The following INPP5D variants were observed in gnomAD, a reference collection of about 807,000 sequenced individuals.
INPP5D encodes the protein inositol polyphosphate-5-phosphatase D.
Under a neutral mutation model 122.9 loss-of-function variants are expected in INPP5D, and 33 were observed. The observed-to-expected ratio is 0.27, with a 90% CI of 0.20 to 0.36. The LOEUF (loss-of-function observed/expected upper bound fraction) is 0.36, where lower values mean the gene tolerates loss of function less well. INPP5D is among the 10% of genes least tolerant of loss of function. The pLI is 1.00. For missense variants in INPP5D, 1,053 were observed against 1,412.7 expected, an observed-to-expected ratio of 0.75 and a Z score of 4.08; for synonymous variants, 584 against 576.2, an observed-to-expected ratio of 1.01 and a Z score of -0.19.
At chr2:233,171,189 T>G (rs370040596) in intron 17 of INPP5D, 37 bp downstream of exon 17, 1 of 1,607,188 alleles carries the variant, frequency 6.2e-7, no homozygotes, top group Non-Finnish European at 8.5e-7. Flanking sequence ...CTGCCCTCCA[T>G]CTCCTCCCCG....
At chr2:233,154,080 C>G (rs1693988044) in intron 9 of INPP5D, among the ~76,000 whole-genome samples, 1 of 152,234 alleles carries the variant, frequency 6.6e-6, no homozygotes, top group Non-Finnish European at 1.5e-5. Context: ...CCAAGGATCA[C>G]CAGACACTGG....
chr2:233,151,439 G>A (rs573410770), intron 9 of INPP5D, among the ~76,000 whole-genome samples: 8 of 152,228 alleles, frequency 5.3e-5, no homozygotes, highest in Admixed American at 3.3e-4. Flanking sequence ...CAGTCCTCCC[G>A]TCAATCCAGG....
At chr2:233,181,191 TAGTA>T (rs1308642566) in intron 18 of INPP5D, among the ~76,000 whole-genome samples, 5 of 152,130 alleles carry the variant, frequency 3.3e-5, no homozygotes, top group Non-Finnish European at 7.4e-5. Flanking sequence ...TGGTGATCCT[TAGTA>T]AGTGAGCTTT....
intron 25 of INPP5D, 37 bp from the exon 26 acceptor site, chr2:233,204,088 CT>C (rs1395638526): frequency 6.8e-7 from 1 of 1,470,478 alleles, no homozygotes; most frequent in East Asian, 2.5e-5. Context: ...GTCTTCTCCC[CT>C]GGACATGTGT....
At chr2:233,075,768 G>T (rs1472614036) in intron 1 of INPP5D, among the ~76,000 whole-genome samples, 1 of 152,126 alleles carries the variant, frequency 6.6e-6, no homozygotes, top group Non-Finnish European at 1.5e-5. Flanking sequence ...GGCTGATGGG[G>T]TGTGTGTGGG....
chr2:233,061,384 C>G (rs1691070503), intron 1 of INPP5D, among the ~76,000 whole-genome samples: 1 of 152,138 alleles, frequency 6.6e-6, no homozygotes, highest in Non-Finnish European at 1.5e-5. Context: ...GAAGGAGGCC[C>G]TTGCCCTGCA....
Position 233,128,271 on chromosome 2 carries a change from TAATTGTCTTCCAC to T in INPP5D, c.525-2234_525-2222del, listed in dbSNP as rs1173146300. On this transcript the variant is annotated intron_variant, in intron 4 of 26. Transcript: ENST00000445964. This position sits in a 1 kb window ranked among gnomAD's most constrained non-coding sequence, Gnocchi z 4.5. The stretch of plus-strand genomic sequence containing the variant: ...ATCCCCCCACCACCCATCCGTGGAA[TAATTGTCTTCCAC>T]AAAACCGGTCCCTTGTGCCAAAAAG... Among the ~76,000 whole-genome samples, 1 of 152,208 alleles carries T rather than the reference TAATTGTCTTCCAC, an allele frequency of 6.6e-6. No homozygotes were observed. Among genetic ancestry groups the T allele is most frequent in the Non-Finnish European group, 1.5e-5 (1 of 68,032 alleles).
chr2:233,182,034 T>C (rs1694798577), intron 18 of INPP5D, among the ~76,000 whole-genome samples: 1 of 152,144 alleles, frequency 6.6e-6, no homozygotes, highest in African/African-American at 2.4e-5. Context: ...AGGTGGAGGC[T>C]GCAGTGAGCC....
intron 2 of INPP5D, among the ~76,000 whole-genome samples, chr2:233,098,267 A>G (rs6437092): frequency 0.71 from 108,069 of 151,872 alleles, 38,663 homozygotes; most frequent in Middle Eastern, 0.81. Context: ...CAAGGAGTGC[A>G]ACAGGAGTGC....
chr2:233,151,537 G>A (rs150474531), intron 9 of INPP5D, among the ~76,000 whole-genome samples: 1,562 of 152,196 alleles, frequency 0.01, 15 homozygotes, highest in Non-Finnish European at 0.017. Flanking sequence ...CCTAAAAAGG[G>A]CAAGGTCTTT....
chr2:233,075,922 T>C (rs1691508393), intron 1 of INPP5D, among the ~76,000 whole-genome samples: 1 of 152,236 alleles, frequency 6.6e-6, no homozygotes, highest in Admixed American at 6.5e-5. Flanking sequence ...CTTCCTGTTA[T>C]ACTAGCTTTT....
chr2:233,099,539 A>G lies in INPP5D; in HGVS notation c.198+20141A>G, dbSNP rs1243760062. Among the ~76,000 whole-genome samples the G allele has an allele frequency of 3.9e-5, 6 of 152,372 alleles. No homozygotes were observed. In the East Asian group the frequency reaches 9.6e-4, roughly 24 times the overall value. ...CCCTGTGCTCTTCAACAACAACAAA[A>G]TCACAAATGAACCCCATAAAATGCT... On this transcript the variant is annotated intron_variant, in intron 2 of 26. Coordinates refer to ENST00000445964, the MANE Select transcript of INPP5D (RefSeq NM_001017915.3).
chr2:233,195,597 G>C, intron 24 of INPP5D, 102 bp downstream of exon 24: 2 of 1,551,482 alleles, frequency 1.3e-6, no homozygotes, highest in South Asian at 2.3e-5. Context: ...CCATAATCCC[G>C]GCACTTTGGG....
intron 2 of INPP5D, among the ~76,000 whole-genome samples, chr2:233,121,126 T>TTTTTTTC (rs1692960444): frequency 7.2e-6 from 1 of 139,650 alleles, no homozygotes; most frequent in African/African-American, 2.5e-5. Flanking sequence ...TCTTTCTTTT[T>TTTTTTTC]TTTTTTTCTT....
chr2:233,068,864 G>A lies in INPP5D; in HGVS notation c.134+8252G>A, dbSNP rs114523277. Among the ~76,000 whole-genome samples, 847 of 152,322 alleles carry A rather than the reference G, an allele frequency of 5.6e-3. 8 individuals are homozygous for A. Among genetic ancestry groups the A allele is most frequent in the African/African-American group, 0.019 (809 of 41,570 alleles). ...CTGTGACGGAGGCTGCTGGGGACAG[G>A]GCTGGGAGCCTGGAAGCCAGCAGGA... On this transcript the variant is annotated intron_variant, in intron 1 of 26. Transcript: ENST00000445964.
At chr2:233,088,298 T>C (rs191234606) in intron 2 of INPP5D, among the ~76,000 whole-genome samples, 1 of 152,326 alleles carries the variant, frequency 6.6e-6, no homozygotes, top group Admixed American at 6.5e-5. Flanking sequence ...GTTGCAAGCC[T>C]GCCTTGCCTG....
intron 2 of INPP5D, among the ~76,000 whole-genome samples, chr2:233,098,474 A>G (rs1194500182): frequency 1.3e-5 from 2 of 152,176 alleles, no homozygotes; most frequent in African/African-American, 4.8e-5. Context: ...CAACCTGTAT[A>G]TCTCTAGATA....
rs1458141602 is a variant in INPP5D, at chr2:233,138,307, A to T, written c.666-1535A>T. Among the ~76,000 whole-genome samples, 528 of 63,916 alleles carry T rather than the reference A, an allele frequency of 8.3e-3. 4 individuals carry two copies. Among genetic ancestry groups the T allele is most frequent in the African/African-American group, 0.017 (464 of 27,502 alleles). 41.9% of individuals were successfully genotyped at this position (63,916 alleles called of 152,430 possible). ...GGGCCACAGAGTAAGATTGTCTAAA[A>T]AAAAAAAAAAAAAAAAAGCAAAGCA... On this transcript the variant is annotated intron_variant, in intron 5 of 26. Coordinates refer to ENST00000445964, the MANE Select transcript of INPP5D (RefSeq NM_001017915.3).
chr2:233,194,005 T>C, intron 23 of INPP5D, 44 bp downstream of exon 23: 1 of 1,529,036 alleles, frequency 6.5e-7, no homozygotes, highest in Non-Finnish European at 8.8e-7. Flanking sequence ...AGCCCCCCAC[T>C]TAGGGACGGG....
Sources: allele counts gnomAD v4.1 joint callset (sites outside exome capture counted in the v4.1 genomes callset), GRCh38; gene constraint gnomAD v4.1.1; non-coding constraint Gnocchi (gnomAD v3.1); transcripts MANE v1.5; gene names NCBI Gene and HGNC (gene_info 2026-07-23, HGNC 2026-07-21).